UBR4: variants seen among roughly 807,000 people sequenced by gnomAD.
The protein encoded by UBR4 is E3 ubiquitin-protein ligase UBR4.
A neutral mutation model predicts 575.6 loss-of-function variants in UBR4; 124 were observed. That is an observed-to-expected ratio of 0.22 (90% CI 0.19 to 0.25). The LOEUF is 0.25. Ranked by LOEUF, UBR4 falls within the 10% of genes least tolerant of loss-of-function variation. The pLI is 1.00. For missense variants in UBR4, 4,818 were observed against 6,478.8 expected, an observed-to-expected ratio of 0.74 and a Z score of 8.80; for synonymous variants, 2,455 against 2,473.7, an observed-to-expected ratio of 0.99 and a Z score of 0.22.
chr1:19,103,331 G>A (rs576815741), intron 87 of UBR4, among the ~76,000 whole-genome samples: 14 of 152,248 alleles, frequency 9.2e-5, no homozygotes, highest in African/African-American at 3.4e-4. Flanking sequence ...TTGGGAGGCC[G>A]AGGCAGGCGG....
chr1:19,145,118 A>G (rs1407044292), intron 53 of UBR4, among the ~76,000 whole-genome samples: 1 of 152,252 alleles, frequency 6.6e-6, no homozygotes, highest in East Asian at 1.9e-4. Context: ...AATTGTCCTC[A>G]AAAGTCTTTC....
chr1:19,102,346 CAG>C (rs1203765164), intron 87 of UBR4, among the ~76,000 whole-genome samples: 16 of 150,108 alleles, frequency 1.1e-4, no homozygotes, highest in Admixed American at 9.3e-4. Context: ...GCCTGGGTGA[CAG>C]AGTGAAACTT....
intron 51 of UBR4, 111 bp downstream of exon 51, chr1:19,147,882 A>G (rs2085086431): frequency 2.7e-6 from 4 of 1,478,384 alleles, no homozygotes; most frequent in South Asian, 2.7e-5. Context: ...TCTAATCTGA[A>G]TGCTATCCTC....
intron 60 of UBR4, 25 bp downstream of exon 60, chr1:19,137,982 T>C: frequency 6.8e-7 from 1 of 1,468,298 alleles, no homozygotes; most frequent in Non-Finnish European, 9.1e-7. Flanking sequence ...GCAAGCCTCT[T>C]AACTGTGAAG....
chr1:19,210,198 C>T lies in UBR4; in HGVS notation c.51G>A (p.Gly17=). 1.4e-6 allele frequency: 2 copies of T among 1,472,420 alleles called. No individual in the cohort carries two copies. The highest frequency in any genetic ancestry group is 1.3e-5 in the South Asian group (1 of 74,294). 91.2% of individuals were successfully genotyped at this position (1,472,420 alleles called of 1,614,324 possible). The change falls in exon 1 of 106, where the codon GGG becomes GGA. Residue 17 remains glycine (G), a synonymous_variant. Transcript: ENST00000375254. Reference sequence around the variant, plus strand: ...TCGTGTCCGCCCCCGTTGCCGGGGTCCCCGGCGCCGGAGCCGCTGCCGCCG... The same window carrying T: ...TCGTGTCCGCCCCCGTTGCCGGGGTTCCCGGCGCCGGAGCCGCTGCCGCCG... The part of the protein sequence containing the change: ...EEAAAAAPAP[G]TPATGADTTP...
At chr1:19,160,498 G>T (rs2087152435) in intron 38 of UBR4, among the ~76,000 whole-genome samples, 2 of 152,048 alleles carry the variant, frequency 1.3e-5, no homozygotes, top group Non-Finnish European at 2.9e-5. Flanking sequence ...TTCTAAACCA[G>T]GGGTCCCACA....
At chr1:19,141,619 TCC>T (rs201608703) in intron 56 of UBR4, 26 bp downstream of exon 56, 20,015 of 1,612,174 alleles carry the variant, frequency 0.012, 166 homozygotes, top group Non-Finnish European at 0.015. Flanking sequence ...AAGCTCCTCC[TCC>T]CCTTCTCCTG....
chr1:19,192,061 G>T, intron 11 of UBR4, 127 bp downstream of exon 11: 1 of 916,946 alleles, frequency 1.1e-6, no homozygotes. Context: ...CATTATCTTA[G>T]TTGCTAAATT....
intron 11 of UBR4, among the ~76,000 whole-genome samples, chr1:19,189,802 A>G (rs1036121743): frequency 5.3e-5 from 8 of 152,222 alleles, no homozygotes; most frequent in African/African-American, 1.9e-4. Context: ...CCAAGAATGA[A>G]AATGGCCACT....
Position 19,105,772 on chromosome 1 carries a change from A to G in UBR4, c.12464T>C (p.Ile4155Thr), listed in dbSNP as rs767660270. ...ACTIVEALAT[I>T]PSRKQQVLDL... ...CAGGACCTGCTGCTTGCGGCTGGGA[A>G]TGGTGGCTAGAGCTTCCACAATGGT... The change falls in exon 84 of 106, where the codon ATT (isoleucine) becomes ACT (threonine). Residue 4155 changes from isoleucine to threonine, a missense_variant. Physicochemically the swap from Ile to Thr is moderately conservative, Grantham distance 89 (BLOSUM62 -1). Around this residue, in one of 29 missense-constraint regions of UBR4, gnomAD observed 178 missense variants for 175.5 expected, o/e 1.01. Transcript: ENST00000375254. 2.5e-6 allele frequency: 4 copies of G among 1,610,396 alleles called. No homozygotes were observed. Among genetic ancestry groups the G allele is most frequent in the Admixed American group, 1.7e-5 (1 of 58,960 alleles).
At chr1:19,099,744 A>C (rs1400705993) in intron 89 of UBR4, 67 bp from the exon 90 acceptor site, 3 of 1,415,030 alleles carry the variant, frequency 2.1e-6, no homozygotes, top group South Asian at 2.4e-5. Context: ...CCAAGAGCAA[A>C]GGGCACCTTA....
chr1:19,168,090 G>T lies in UBR4; in HGVS notation c.3836C>A (p.Pro1279His). 1.2e-6 allele frequency: 2 copies of T among 1,613,744 alleles called. No individual in the cohort carries two copies. The highest frequency in any genetic ancestry group is 1.7e-6 in the Non-Finnish European group (2 of 1,179,700). The stretch of plus-strand genomic sequence containing the variant: ...GGTATGCTTCAGGGAAGCAGCCAGG[G>T]GCAGACTTTGGCTACAGAGAGTCCC... ...HLGTLCSQSLPLAASLKHTLL... is the reference protein window; with the variant it reads ...HLGTLCSQSLHLAASLKHTLL... Residue 1279 changes from proline (P) to histidine (H), a missense_variant, in exon 28 of 106, where the codon CCC becomes CAC. This residue lies in a region of UBR4 where 1,172 missense variants were observed against 1,259.7 expected (regional missense o/e 0.93). Transcript: ENST00000375254.
intron 7 of UBR4, 122 bp downstream of exon 7, chr1:19,197,548 G>T: frequency 7.2e-7 from 1 of 1,388,826 alleles, no homozygotes; most frequent in Non-Finnish European, 9.8e-7. Flanking sequence ...AGAACTGCTT[G>T]AACCAGGAGA....
chr1:19,175,636 T>C (rs1035754835), intron 20 of UBR4, among the ~76,000 whole-genome samples: 1 of 152,080 alleles, frequency 6.6e-6, no homozygotes, highest in Non-Finnish European at 1.5e-5. Flanking sequence ...CAGACCAGCA[T>C]ATCACCAAGA....
chr1:19,126,434 G>C lies in UBR4; in HGVS notation c.9438+12C>G, dbSNP rs747129812. ...AAGGACGAGTGTTTCTTTGATGAGGGAAAGATCTCACCTTCACATACTGGC... is the reference window on the plus strand; with the variant it reads ...AAGGACGAGTGTTTCTTTGATGAGGCAAAGATCTCACCTTCACATACTGGC... On this transcript the variant is annotated intron_variant, in intron 64 of 105. Coordinates refer to ENST00000375254, the MANE Select transcript of UBR4 (RefSeq NM_020765.3). 4 of 1,613,998 alleles carry C rather than the reference G, an allele frequency of 2.5e-6. No individual in the cohort carries two copies. Among genetic ancestry groups the C allele is most frequent in the South Asian group, 1.1e-5 (1 of 91,088 alleles).
intron 60 of UBR4, among the ~76,000 whole-genome samples, chr1:19,135,798 A>C (rs2083139008): frequency 6.6e-6 from 1 of 152,192 alleles, no homozygotes; most frequent in African/African-American, 2.4e-5. Context: ...ATATCTGATA[A>C]GATTAATAGA....
At chr1:19,126,323 A>C (rs972896362) in intron 64 of UBR4, 123 bp downstream of exon 64, 49 of 1,153,824 alleles carry the variant, frequency 4.2e-5, no homozygotes, top group Middle Eastern at 2.4e-4. Context: ...ACCCCCACCA[A>C]GGAATGCCGG....
At position 19,106,605 on chromosome 1, in the gene UBR4, C is replaced by T; in HGVS notation, c.12357G>A (p.Leu4119=). 6.3e-7 allele frequency: 1 copy of T among 1,591,398 alleles called. No individual in the cohort carries two copies. The highest frequency in any genetic ancestry group is 2.2e-5 in the East Asian group (1 of 44,790). ...AGTTGTTATGCCCCAGTTTGAGATC[C>T]AAGGGGGAGGTCCTCTTCCCCCGAC... The part of the protein sequence containing the change: ...LSRRGKRTSP[L]DLKLGHNNWL... The change falls in exon 83 of 106, where the codon TTG becomes TTA. Residue 4119 remains leucine (L), a synonymous_variant. Coordinates refer to ENST00000375254, the MANE Select transcript of UBR4 (RefSeq NM_020765.3).
At chr1:19,187,607 G>A in intron 11 of UBR4, 67 bp from the exon 12 acceptor site, 1 of 1,526,064 alleles carries the variant, frequency 6.6e-7, no homozygotes, top group Non-Finnish European at 9.0e-7. Context: ...TTCTGAAGCA[G>A]TGGATCTTGC....
Sources: allele counts gnomAD v4.1 joint callset (sites outside exome capture counted in the v4.1 genomes callset), GRCh38; gene constraint gnomAD v4.1.1; regional missense constraint gnomAD v4.1.1; transcripts MANE v1.5; gene names NCBI Gene and HGNC (gene_info 2026-07-23, HGNC 2026-07-21).